Variants in MARK4 observed in about 807,000 individuals in gnomAD.
The protein encoded by MARK4 is microtubule affinity regulating kinase 4, also known as MAP/microtubule affinity-regulating kinase 4.
A neutral mutation model predicts 81.5 loss-of-function variants in MARK4; 19 were observed. The observed-to-expected ratio is 0.23, with a 90% CI of 0.16 to 0.34. The LOEUF is 0.34. MARK4 is among the 10% of genes least tolerant of loss of function. The pLI, the probability that MARK4 is intolerant of heterozygous loss-of-function variation, is 1.00. For missense variants in MARK4, 772 were observed against 1,058.8 expected (o/e 0.73, Z 3.76); for synonymous variants, 436 against 439.0 (o/e 0.99, Z 0.08).
intron 12 of MARK4, among the ~76,000 whole-genome samples, chr19:45,282,150 G>A (rs1409172190): frequency 6.6e-6 from 1 of 151,510 alleles, no homozygotes; most frequent in Non-Finnish European, 1.5e-5. Context: ...TTGAAACTGG[G>A]AGGCGGAGGT....
chr19:45,268,974 A>G (rs1168988431), intron 7 of MARK4, among the ~76,000 whole-genome samples: 1 of 152,134 alleles, frequency 6.6e-6, no homozygotes, highest in African/African-American at 2.4e-5. Flanking sequence ...TCCCCAAAGC[A>G]GCTAACACGA....
rs1237417034 is a variant in MARK4 at position 45,302,854 on chromosome 19, C to G, written c.*144C>G. The G allele has an allele frequency of 2.3e-6, 3 of 1,279,984 alleles. No homozygotes were observed. Among genetic ancestry groups the G allele is most frequent in the Non-Finnish European group, 3.2e-6 (3 of 949,440 alleles). 79.3% of individuals were successfully genotyped at this position (1,279,984 alleles called of 1,614,324 possible). Reference sequence around the variant, plus strand: ...TATTTGGGGGCAAAGATTGTCCCCTCTGCTGTTCTCTGGGGCCGCTCAGCA... The same window carrying G: ...TATTTGGGGGCAAAGATTGTCCCCTGTGCTGTTCTCTGGGGCCGCTCAGCA... On this transcript the variant is annotated 3_prime_UTR_variant, in exon 17 of 17. Coordinates refer to ENST00000262891, the MANE Select transcript of MARK4 (RefSeq NM_001199867.2). The surrounding 1 kb of genome is among the most constrained non-coding windows in gnomAD (Gnocchi z 4.9).
rs1224987975 is a variant in MARK4 at position 45,271,986 on chromosome 19, G to C, written c.786+278G>C. On this transcript the variant is annotated intron_variant, in intron 8 of 16. Transcript: ENST00000262891. The surrounding 1 kb of genome is among the most constrained non-coding windows in gnomAD (Gnocchi z 4.1). ...GCTAATATTTATGGCCCACTTCTCT[G>C]TGTCAGGCTCTGTTTTGGGCTTTGC... Among the ~76,000 whole-genome samples, 1 of 152,218 alleles carries C rather than the reference G, an allele frequency of 6.6e-6. No homozygotes were observed. Among genetic ancestry groups the C allele is most frequent in the Non-Finnish European group, 1.5e-5 (1 of 68,042 alleles).
rs370582981 is a variant in MARK4 at position 45,287,505 on chromosome 19, G to A, written c.1335G>A (p.Ala445=). ...GCAGCCCGACGAGCACGGGGGAGGC[G>A]GAGCTGAAGGAGGAGCGGCTGCCAG... The part of the protein sequence containing the change: ...PKRSPTSTGE[A]ELKEERLPGR... The change falls in exon 13 of 17, where the codon GCG becomes GCA. Residue 445 remains alanine (A), a synonymous_variant. Coordinates refer to ENST00000262891, the MANE Select transcript of MARK4 (RefSeq NM_001199867.2). 257 of 1,539,850 alleles carry A rather than the reference G, an allele frequency of 1.7e-4. 1 individual carries two copies. The highest frequency in any genetic ancestry group is 2.1e-4 in the Non-Finnish European group (236 of 1,139,814).
intron 1 of MARK4, among the ~76,000 whole-genome samples, chr19:45,257,573 G>A (rs140769970): frequency 0.02 from 3,102 of 151,816 alleles, 33 homozygotes; most frequent in Middle Eastern, 0.034. Flanking sequence ...TAGTAGAGAC[G>A]GGGTTTCCCC....
rs773994218 is a variant in MARK4 at position 45,287,642 on chromosome 19, G to A, written c.1472G>A (p.Arg491Gln). Reference protein sequence around the residue: ...NPNKAEIPERRKDSTSTPNNL... With the variant: ...NPNKAEIPERQKDSTSTPNNL... ...AACAAGGCAGAGATCCCAGAGCGGCGGAAGGACAGCACGAGCACCCCCGTG... is the reference window on the plus strand; with the variant it reads ...AACAAGGCAGAGATCCCAGAGCGGCAGAAGGACAGCACGAGCACCCCCGTG... The change falls in exon 13 of 17, where the codon CGG (arginine) becomes CAG (glutamine). Residue 491 changes from arginine (R) to glutamine (Q), a missense_variant. This residue lies in a region of MARK4 where 548 missense variants were observed against 624.3 expected (regional missense o/e 0.88). Coordinates refer to ENST00000262891, the MANE Select transcript of MARK4 (RefSeq NM_001199867.2). 2.7e-5 allele frequency: 43 copies of A among 1,598,338 alleles called. No homozygotes were observed. The highest frequency in any genetic ancestry group is 1.1e-4 in the East Asian group (5 of 44,458).
Position 45,297,920 on chromosome 19 carries a change from C to G in MARK4, c.1843C>G (p.Leu615Val). The change falls in exon 15 of 17, where the codon CTC becomes GTC. Residue 615 changes from leucine (L) to valine (V), a missense_variant. Leu to Val is a conservative substitution (Grantham distance 32). Coordinates refer to ENST00000262891, the MANE Select transcript of MARK4 (RefSeq NM_001199867.2). Reference protein sequence around the residue: ...PAGRPRPTTNLFTKLTSKLTR... With the variant: ...PAGRPRPTTNVFTKLTSKLTR... ...CGGGCGGCCCCGCCCCACCACCAAC[C>G]TCTTCACCAAGCTGACCTCCAAACT... The G allele has an allele frequency of 6.4e-7, 1 of 1,550,450 alleles. No individual in the cohort carries two copies. Among genetic ancestry groups the G allele is most frequent in the Non-Finnish European group, 8.7e-7 (1 of 1,146,752 alleles).
chr19:45,253,380 G>A (rs553799985), intron 1 of MARK4, among the ~76,000 whole-genome samples: 4 of 152,158 alleles, frequency 2.6e-5, no homozygotes, highest in Admixed American at 6.6e-5. Context: ...ACAGTCCTGG[G>A]TTCCAATGCT....
chr19:45,267,905 C>G (rs1357465910), intron 7 of MARK4, among the ~76,000 whole-genome samples: 1 of 152,146 alleles, frequency 6.6e-6, no homozygotes, highest in African/African-American at 2.4e-5. Flanking sequence ...AAGAGATTCT[C>G]CTGCCTCAGC....
intron 9 of MARK4, 99 bp from the exon 10 acceptor site, chr19:45,278,417 G>A (rs1214162646): frequency 1.9e-6 from 2 of 1,044,242 alleles, no homozygotes; most frequent in Non-Finnish European, 3.0e-6. Flanking sequence ...CGCAATTCTG[G>A]GTGTTAGGCC....
chr19:45,283,297 T>C (rs12982781), intron 12 of MARK4, among the ~76,000 whole-genome samples: 49,180 of 150,482 alleles, frequency 0.33, 8,165 homozygotes, highest in South Asian at 0.41. Flanking sequence ...TAATCCCAGC[T>C]ACTCAGGAGT....
At chr19:45,280,938 C>T (rs1022405692) in intron 12 of MARK4, among the ~76,000 whole-genome samples, 15 of 152,034 alleles carry the variant, frequency 9.9e-5, no homozygotes, top group African/African-American at 2.9e-4. Flanking sequence ...GGATTAAAAC[C>T]GGAAAAGCAG....
chr19:45,267,837 T>A (rs1477837221), intron 7 of MARK4, among the ~76,000 whole-genome samples: 1 of 151,854 alleles, frequency 6.6e-6, no homozygotes, highest in African/African-American at 2.4e-5. Context: ...ATTTTTGAGT[T>A]TTTTGTAGAC....
At chr19:45,258,442 G>A (rs1970337441) in intron 1 of MARK4, among the ~76,000 whole-genome samples, 1 of 152,064 alleles carries the variant, frequency 6.6e-6, no homozygotes, top group Non-Finnish European at 1.5e-5. Flanking sequence ...GGATGCGGTG[G>A]CTCACATCTG....
intron 1 of MARK4, among the ~76,000 whole-genome samples, chr19:45,258,639 G>T (rs572139194): frequency 6.6e-5 from 10 of 152,122 alleles, no homozygotes; most frequent in African/African-American, 1.9e-4. Flanking sequence ...GGCAGAGGTT[G>T]CAGTGAGCTG....
intron 2 of MARK4, among the ~76,000 whole-genome samples, chr19:45,261,754 A>G (rs1026735416): frequency 6.6e-6 from 1 of 152,086 alleles, no homozygotes; most frequent in Non-Finnish European, 1.5e-5. Context: ...GCCAACATGG[A>G]GAAACCCCGT....
At position 45,266,211 on chromosome 19, in the gene MARK4, C is replaced by T; in HGVS notation, c.493-14C>T. 2 of 1,613,662 alleles carry T rather than the reference C, an allele frequency of 1.2e-6. No individual in the cohort carries two copies. Among genetic ancestry groups the T allele is most frequent in the Non-Finnish European group, 1.7e-6 (2 of 1,179,684 alleles). Reference sequence around the variant, plus strand: ...TGGGAGCCACAAATAACCAACCTTCCCCTTCCCTCCCAGATTGTTTCGGCT... The same window carrying T: ...TGGGAGCCACAAATAACCAACCTTCTCCTTCCCTCCCAGATTGTTTCGGCT... On this transcript the variant is annotated splice_polypyrimidine_tract_variant and intron_variant, in intron 6 of 16. Transcript: ENST00000262891.
intron 7 of MARK4, among the ~76,000 whole-genome samples, chr19:45,270,730 C>G (rs376326557): frequency 1.7e-3 from 260 of 151,918 alleles, no homozygotes; most frequent in Non-Finnish European, 2.8e-3. Flanking sequence ...CTCCTGAGTA[C>G]CTGGGACTAC....
rs1047935432 is a variant in MARK4 at position 45,271,001 on chromosome 19, C to T, written c.550-471C>T. Among the ~76,000 whole-genome samples, 5 of 152,226 alleles carry T rather than the reference C, an allele frequency of 3.3e-5. No homozygotes were observed. Among genetic ancestry groups the T allele is most frequent in the South Asian group, 2.1e-4 (1 of 4,836 alleles). ...GTCAGGCTGGTCTTGAACTCCCAAC[C>T]TCAGGTGATCTGCCCACCTCGGCTT... is the stretch of plus-strand genomic sequence containing the variant. On this transcript the variant is annotated intron_variant, in intron 7 of 16. Transcript: ENST00000262891. This position sits in a 1 kb window ranked among gnomAD's most constrained non-coding sequence, Gnocchi z 4.1.
Sources: gnomAD v4.1 joint callset for allele counts (sites outside exome capture counted in the v4.1 genomes callset) on GRCh38, gnomAD v4.1.1 for gene constraint, gnomAD v4.1.1 regional missense constraint, Gnocchi (gnomAD v3.1) non-coding constraint, MANE v1.5 for transcripts, NCBI Gene and HGNC (gene_info 2026-07-23, HGNC 2026-07-21) for gene names.